The following TMEM259 variants were observed in gnomAD, a reference collection of about 807,000 sequenced individuals.
TMEM259 encodes the protein transmembrane protein 259.
TMEM259 carries 26 observed loss-of-function variants against 46.7 expected under a neutral mutation model. The observed-to-expected ratio is 0.56, with a 90% CI of 0.41 to 0.77. TMEM259 has a LOEUF of 0.77. TMEM259 is among the 30% of genes least tolerant of loss of function. TMEM259 has a pLI of 0.00. For synonymous variants in TMEM259, 494 were observed against 395.1 expected, an observed-to-expected ratio of 1.25 and a Z score of -2.97; for missense variants, 930 against 900.5, an observed-to-expected ratio of 1.03 and a Z score of -0.42.
chr19:1,018,153 C>A (rs1049571731), intron 1 of TMEM259, among the ~76,000 whole-genome samples: 1 of 152,214 alleles, frequency 6.6e-6, no homozygotes, highest in Non-Finnish European at 1.5e-5. Context: ...GGTGCAGGCA[C>A]CCAGTGCCCC....
intron 3 of TMEM259, 146 bp downstream of exon 3, chr19:1,013,095 G>A: frequency 1.5e-6 from 1 of 674,320 alleles, no homozygotes; most frequent in Non-Finnish European, 2.6e-6. Flanking sequence ...GCTGACAGAT[G>A]GGGAAATCGA....
rs747710292 is a variant in TMEM259 at position 1,010,458 on chromosome 19, G to A, written c.1755C>T (p.Pro585=). 6.5e-7 allele frequency: 1 copy of A among 1,540,244 alleles called. No individual in the cohort carries two copies. Among genetic ancestry groups the A allele is most frequent in the Non-Finnish European group, 8.7e-7 (1 of 1,143,358 alleles). The change falls in exon 11 of 11, where the codon CCC becomes CCT. Residue 585 remains proline (P), a synonymous_variant. Transcript: ENST00000356663. ...GLPHAPQDSV[P]PSDSAASDTT... ...TGTCAGAAGCTGCGGAGTCACTCGGGGGGACACTGTCCTGGGGGGCGTGGG... is the reference window on the plus strand; with the variant it reads ...TGTCAGAAGCTGCGGAGTCACTCGGAGGGACACTGTCCTGGGGGGCGTGGG...
At position 1,010,867 on chromosome 19, in the gene TMEM259, T is replaced by G; in HGVS notation, c.1346A>C (p.Tyr449Ser). Residue 449 changes from tyrosine (Y) to serine (S), a missense_variant, in exon 11 of 11, where the codon TAC becomes TCC. Coordinates refer to ENST00000356663, the MANE Select transcript of TMEM259 (RefSeq NM_001033026.2). ...CTGCTGCAGGATGGCAGGCAGCTCGTAGTGGTGGAAGAAGTAGATCATGGA... is the reference window on the plus strand; with the variant it reads ...CTGCTGCAGGATGGCAGGCAGCTCGGAGTGGTGGAAGAAGTAGATCATGGA... ...QHSMIYFFHH[Y>S]ELPAILQQVR... 6.3e-7 allele frequency: 1 copy of G among 1,594,350 alleles called. No individual in the cohort carries two copies. The highest frequency in any genetic ancestry group is 8.5e-7 in the Non-Finnish European group (1 of 1,178,278).
chr19:1,010,247 T>TG lies in TMEM259; in HGVS notation c.*102dup. 8.9e-7 allele frequency: 1 copy of TG among 1,122,972 alleles called. No individual in the cohort carries two copies. The highest frequency in any genetic ancestry group is 1.2e-6 in the Non-Finnish European group (1 of 838,206). 69.6% of individuals were successfully genotyped at this position (1,122,972 alleles called of 1,614,324 possible). A position where few individuals can be genotyped will look rare whatever the true frequency, so the allele number is the denominator to read the frequency against. The stretch of plus-strand genomic sequence containing the variant: ...AACCCTGAAAGCCCCCGACACAGGC[T>TG]GGGCAGTCCCAGAGGAAGGAGGTGG... On this transcript the variant is annotated 3_prime_UTR_variant, in exon 11 of 11. Transcript: ENST00000356663.
At position 1,010,331 on chromosome 19, in the gene TMEM259, G is replaced by GGCGGCTCAGCTGT; in HGVS notation, c.*6_*18dup. ...TCAGGCCCAGCCAGCAGGGGTCAGA[G>GGCGGCTCAGCTGT]GCGGCTCAGCTGTGCGGCTCAGGAC... On this transcript the variant is annotated 3_prime_UTR_variant, in exon 11 of 11. Transcript: ENST00000356663. The GGCGGCTCAGCTGT allele has an allele frequency of 6.9e-7, 1 of 1,457,854 alleles. No homozygotes were observed. The allele number at this position is 1,457,854 out of a possible 1,614,324, so 90.3% of individuals were successfully genotyped here. A position where few individuals can be genotyped will look rare whatever the true frequency, so the allele number is the denominator to read the frequency against.
In TMEM259 at chr19:1,020,798, G is replaced by C; in HGVS notation, c.199C>G (p.Leu67Val). Reference protein sequence around the residue: ...SRLFPPAFRRLFEFFVLLKAL... With the variant: ...SRLFPPAFRRVFEFFVLLKAL... Reference sequence around the variant, plus strand: ...TTGAGCAGCACGAAGAACTCGAAGAGACGGCGGAAGGCGGGCGGGAAGAGC... The same window carrying C: ...TTGAGCAGCACGAAGAACTCGAAGACACGGCGGAAGGCGGGCGGGAAGAGC... The change falls in exon 1 of 11, where the codon CTC (leucine) becomes GTC (valine). Residue 67 changes from leucine (L) to valine (V), a missense_variant. Transcript: ENST00000356663. The surrounding 1 kb of genome is among the most constrained non-coding windows in gnomAD (Gnocchi z 4.0). 1 of 1,356,084 alleles carries C rather than the reference G, an allele frequency of 7.4e-7. No individual in the cohort carries two copies. The highest frequency in any genetic ancestry group is 9.5e-7 in the Non-Finnish European group (1 of 1,050,042). 84.0% of individuals were successfully genotyped at this position (1,356,084 alleles called of 1,614,324 possible).
chr19:1,012,472 C>G lies in TMEM259; in HGVS notation c.709G>C (p.Val237Leu). The change falls in exon 4 of 11, where the codon GTC (valine) becomes CTC (leucine). Residue 237 changes from valine (V) to leucine (L), a missense_variant. By Grantham distance (32) the Val-to-Leu change is conservative. Coordinates refer to ENST00000356663, the MANE Select transcript of TMEM259 (RefSeq NM_001033026.2). ...AGCAGCTCAGACTCACCCAGGGTGA[C>G]CACCATGACGGGGATGCTCAGGCGC... is the stretch of plus-strand genomic sequence containing the variant. ...RQRLSIPVMV[V>L]TLDPTRDQCF... 4.4e-6 allele frequency: 7 copies of G among 1,602,068 alleles called. No homozygotes were observed. Among genetic ancestry groups the G allele is most frequent in the Non-Finnish European group, 6.0e-6 (7 of 1,176,020 alleles).
At chr19:1,011,860 G>A (rs1462206142) in intron 6 of TMEM259, 32 bp downstream of exon 6, 4 of 1,594,540 alleles carry the variant, frequency 2.5e-6, no homozygotes, top group Non-Finnish European at 3.4e-6. Context: ...CTCCCGCCCG[G>A]CCAGCCCCCG....
Position 1,015,028 on chromosome 19 carries a change from G to A in TMEM259, c.226-555C>T, listed in dbSNP as rs1182846985. 2.0e-5 allele frequency among the ~76,000 whole-genome samples: 3 copies of A among 152,346 alleles called. No homozygotes were observed. In the East Asian group the frequency reaches 5.8e-4, roughly 29 times the overall value. On this transcript the variant is annotated intron_variant, in intron 1 of 10. Transcript: ENST00000356663. ...GGCACAGCCCTCCACAGCCCAACCTGCTGCTTCCTGCCTCACCTTCCGCTG... is the reference window on the plus strand; with the variant it reads ...GGCACAGCCCTCCACAGCCCAACCTACTGCTTCCTGCCTCACCTTCCGCTG...
chr19:1,010,653 G>A lies in TMEM259; in HGVS notation c.1560C>T (p.Pro520=), dbSNP rs753693052. 10 of 1,538,622 alleles carry A rather than the reference G, an allele frequency of 6.5e-6. No homozygotes were observed. The highest frequency in any genetic ancestry group is 3.6e-5 in the South Asian group (3 of 84,118). ...SGSPGPVAAA[P]SSLVAAAASV... ...AGGCTGCCGCGGCCACCAGGGAGCT[G>A]GGCGCCGCTGCCACAGGCCCGGGAC... The change falls in exon 11 of 11, where the codon CCC becomes CCT. Residue 520 remains proline (P), a synonymous_variant. Coordinates refer to ENST00000356663, the MANE Select transcript of TMEM259 (RefSeq NM_001033026.2).
chr19:1,010,973 C>G (rs1035797313), intron 10 of TMEM259, 78 bp from the exon 11 acceptor site: 1 of 1,552,392 alleles, frequency 6.4e-7, no homozygotes, highest in Non-Finnish European at 8.6e-7. Flanking sequence ...GCAGCCCACC[C>G]GGGACCATCC....
At chr19:1,013,000 C>T (rs1245127452) in intron 3 of TMEM259, among the ~76,000 whole-genome samples, 1 of 152,186 alleles carries the variant, frequency 6.6e-6, no homozygotes, top group African/African-American at 2.4e-5. Context: ...GATCCATCCC[C>T]TCCAAGTCGC....
chr19:1,012,623 G>A (rs974789440), intron 3 of TMEM259, 50 bp from the exon 4 acceptor site: 6 of 1,534,724 alleles, frequency 3.9e-6, no homozygotes, highest in Middle Eastern at 1.7e-4. Context: ...CACGTCCCCC[G>A]CCCACTGCCA....
rs1208970346 is a variant in TMEM259, at chr19:1,010,741, G to A, written c.1472C>T (p.Thr491Ile). ...DMNNNSGAPA[T>I]APDSAGQPPA... ...GGGCTGGCCGGCAGAGTCAGGGGCT[G>A]TAGCCGGGGCGCCCGAGTTGTTGTT... Residue 491 changes from threonine (T) to isoleucine (I), a missense_variant, in exon 11 of 11, where the codon ACA becomes ATA. Thr to Ile is a moderately conservative substitution (Grantham distance 89, BLOSUM62 -1). Coordinates refer to ENST00000356663, the MANE Select transcript of TMEM259 (RefSeq NM_001033026.2). 6 of 1,533,040 alleles carry A rather than the reference G, an allele frequency of 3.9e-6. No individual in the cohort carries two copies. The highest frequency in any genetic ancestry group is 2.4e-5 in the South Asian group (2 of 83,994). The allele number at this position is 1,533,040 out of a possible 1,614,324, so 95.0% of individuals were successfully genotyped here. A position where few individuals can be genotyped will look rare whatever the true frequency, so the allele number is the denominator to read the frequency against.
intron 1 of TMEM259, among the ~76,000 whole-genome samples, chr19:1,019,205 C>T (rs2039207079): frequency 6.6e-6 from 1 of 152,120 alleles, no homozygotes; most frequent in Non-Finnish European, 1.5e-5. Context: ...CAAACCGGGA[C>T]ATGGTGGGAC....
intron 3 of TMEM259, 84 bp from the exon 4 acceptor site, chr19:1,012,657 G>A: frequency 2.0e-6 from 3 of 1,504,106 alleles, no homozygotes; most frequent in Non-Finnish European, 1.8e-6. Context: ...GCGTTGAGGG[G>A]TGGAGGGTGA....
In TMEM259 at chr19:1,009,885, G is replaced by A. The variant is rs2038839735; in HGVS notation, c.*465C>T. On this transcript the variant is annotated 3_prime_UTR_variant, in exon 11 of 11. Transcript: ENST00000356663. ...AGCTCTGCTCTCCCGGGGACCCCAA[G>A]CCTGGCGCACACGCGGGGAGGGCGG... The A allele has an allele frequency of 2.7e-6, 1 of 371,018 alleles. No individual in the cohort carries two copies. The highest frequency in any genetic ancestry group is 2.1e-5 in the African/African-American group (1 of 47,260). 23.0% of individuals were successfully genotyped at this position (371,018 alleles called of 1,614,324 possible).
Position 1,009,655 on chromosome 19 carries a change from C to G in TMEM259, c.*695G>C. ...GACACACACACAGCGCAGTGAGCCG[C>G]TGTCAACAGACAGTTTATTCTATAT... is the stretch of plus-strand genomic sequence containing the variant. On this transcript the variant is annotated 3_prime_UTR_variant, in exon 11 of 11. Transcript: ENST00000356663. 7.7e-7 allele frequency: 1 copy of G among 1,303,052 alleles called. No homozygotes were observed. The allele number at this position is 1,303,052 out of a possible 1,614,324, so 80.7% of individuals were successfully genotyped here.
chr19:1,019,281 G>C (rs552813352), intron 1 of TMEM259, among the ~76,000 whole-genome samples: 1 of 152,272 alleles, frequency 6.6e-6, no homozygotes, highest in African/African-American at 2.4e-5. Flanking sequence ...ACCTGGCCTG[G>C]CACCCAGCAC....
Sources: gnomAD v4.1 joint callset for allele counts (sites outside exome capture counted in the v4.1 genomes callset) on GRCh38, gnomAD v4.1.1 for gene constraint, Gnocchi (gnomAD v3.1) non-coding constraint, MANE v1.5 for transcripts, NCBI Gene and HGNC (gene_info 2026-07-23, HGNC 2026-07-21) for gene names.